Variants in ZDHHC15 observed in about 807,000 individuals in gnomAD.
The protein encoded by ZDHHC15 is zDHHC palmitoyltransferase 15.
Under a neutral mutation model 31.7 loss-of-function variants are expected in ZDHHC15, and 19 were observed. The observed-to-expected ratio is 0.60, with a 90% CI of 0.42 to 0.88. The LOEUF is 0.88. Among genes scored for constraint, ZDHHC15 ranks in the 40% least tolerant of loss-of-function variants. The pLI is 0.00. For missense variants in ZDHHC15, 209 were observed against 251.2 expected (o/e 0.83, Z 1.14); for synonymous variants, 103 against 90.0 (o/e 1.14, Z -0.82).
At chrX:75,431,685 A>AT (rs2083782048) in intron 4 of ZDHHC15, among the ~76,000 whole-genome samples, 165 bp from the exon 5 acceptor site, 1 of 110,796 alleles carries the variant, frequency 9.0e-6, no homozygotes, top group Admixed American at 9.7e-5. Context: ...TGGGGTATAT[A>AT]TTTTTTTCCT....
intron 1 of ZDHHC15, among the ~76,000 whole-genome samples, chrX:75,508,973 C>T (rs754886345): frequency 1.1e-4 from 12 of 110,924 alleles, no homozygotes; most frequent in East Asian, 5.7e-4. Flanking sequence ...TCATATCCTT[C>T]GCCCACTTTT....
chrX:75,392,001 G>A (rs1413510079), intron 10 of ZDHHC15, among the ~76,000 whole-genome samples: 2 of 112,373 alleles, frequency 1.8e-5, no homozygotes, highest in Admixed American at 1.9e-4. Context: ...TTTTATCTTT[G>A]TTTGTTTATG....
Position 75,517,481 on chromosome X carries a change from G to A in ZDHHC15, c.136+5408C>T, listed in dbSNP as rs746590931. Among the ~76,000 whole-genome samples, 9 of 105,288 alleles carry A rather than the reference G, an allele frequency of 8.5e-5. No homozygotes were observed. In the South Asian group the frequency reaches 2.2e-3, roughly 26 times the overall value. The allele number at this position is 105,288 out of a possible 115,157, so 91.4% of individuals were successfully genotyped here. ...AAACCATCATTCTCAGCAAACTATC[G>A]CAAGGACAGAAAACCAAACACTGCA... On this transcript the variant is annotated intron_variant, in intron 1 of 11. Coordinates refer to ENST00000373367, the MANE Select transcript of ZDHHC15 (RefSeq NM_144969.3).
At chrX:75,396,394 G>A (rs776789713) in intron 10 of ZDHHC15, among the ~76,000 whole-genome samples, 2 of 111,711 alleles carry the variant, frequency 1.8e-5, no homozygotes, top group African/African-American at 6.5e-5. Context: ...ACATGGAAAA[G>A]TACTCAACAT....
intron 10 of ZDHHC15, among the ~76,000 whole-genome samples, chrX:75,400,594 TAG>T (rs2083345792): frequency 1.8e-5 from 2 of 111,941 alleles, no homozygotes; most frequent in Non-Finnish European, 3.8e-5. Flanking sequence ...CCAACCTTGC[TAG>T]AGAGGTCAAC....
At chrX:75,487,914 A>C (rs944938530) in intron 2 of ZDHHC15, among the ~76,000 whole-genome samples, 7 of 112,567 alleles carry the variant, frequency 6.2e-5, no homozygotes, top group African/African-American at 2.3e-4. Flanking sequence ...AATTGAACAA[A>C]GAGAAGAAAA....
In ZDHHC15 at chrX:75,429,084, G is replaced by A; in HGVS notation, c.597C>T (p.Tyr199=). ...CAGGATATTTTTAACTTACTCTCCA[G>A]TATTTGATGAAATAGCTGAAGACTG... is the stretch of plus-strand genomic sequence containing the variant. The part of the protein sequence containing the change: ...ATTVFSYFIK[Y]WRGELPSVRS... Residue 199 remains tyrosine (Y), a synonymous_variant, in exon 7 of 12, where the codon TAC becomes TAT. Transcript: ENST00000373367. 1 of 1,208,510 alleles carries A rather than the reference G, an allele frequency of 8.3e-7. No homozygotes were observed. Among genetic ancestry groups the A allele is most frequent in the Non-Finnish European group, 1.1e-6 (1 of 894,206 alleles).
At chrX:75,375,457 C>T (rs1459100426) in intron 11 of ZDHHC15, among the ~76,000 whole-genome samples, 1 of 111,160 alleles carries the variant, frequency 9.0e-6, no homozygotes, top group Admixed American at 9.6e-5. Flanking sequence ...TGTGCAGGTT[C>T]GTTAGGTGGT....
chrX:75,414,731 C>T (rs2083528635), intron 10 of ZDHHC15, among the ~76,000 whole-genome samples: 1 of 101,127 alleles, frequency 9.9e-6, no homozygotes, highest in African/African-American at 3.6e-5. Context: ...AGCCACCACG[C>T]CCAGCCAAAA....
intron 3 of ZDHHC15, among the ~76,000 whole-genome samples, chrX:75,460,731 C>G (rs900015778): frequency 3.6e-5 from 4 of 111,214 alleles, no homozygotes; most frequent in Non-Finnish European, 3.8e-5. Context: ...AAAAGAAAAA[C>G]AAACAGAAAA....
chrX:75,383,905 A>T (rs1602542998), intron 10 of ZDHHC15, among the ~76,000 whole-genome samples: 2 of 102,332 alleles, frequency 2.0e-5, no homozygotes, highest in Non-Finnish European at 2.0e-5. Context: ...CACCCAGCTA[A>T]TTTTTTTTTT....
intron 1 of ZDHHC15, among the ~76,000 whole-genome samples, chrX:75,508,338 T>C (rs1259442788): frequency 1.2e-5 from 1 of 82,645 alleles, no homozygotes; most frequent in African/African-American, 4.7e-5. Context: ...ATGTTTCCCT[T>C]CCTGTGTCCA....
intron 7 of ZDHHC15, among the ~76,000 whole-genome samples, chrX:75,425,874 G>A (rs994585618): frequency 7.2e-4 from 80 of 110,890 alleles, no homozygotes; most frequent in African/African-American, 2.6e-3. Flanking sequence ...GGAAATATTG[G>A]GAATCTTCCA....
Position 75,369,473 on chromosome X carries a change from T to TAATA in ZDHHC15, c.*3501_*3504dup, listed in dbSNP as rs946074545. On this transcript the variant is annotated 3_prime_UTR_variant, in exon 12 of 12. Transcript: ENST00000373367. ...TTTAGGTTCATGTTACAATAATGTA[T>TAATA]AATATTCAGTATTCTTAAAACTTAC... 5.4e-5 allele frequency: 6 copies of TAATA among 111,681 alleles called. No homozygotes were observed. The highest frequency in any genetic ancestry group is 2.0e-4 in the African/African-American group (6 of 30,694). The allele number at this position is 111,681 out of a possible 1,213,427, so 9.2% of individuals were successfully genotyped here. A position where few individuals can be genotyped will look rare whatever the true frequency, so the allele number is the denominator to read the frequency against.
chrX:75,498,247 C>T (rs1287744358), intron 2 of ZDHHC15, among the ~76,000 whole-genome samples: 1 of 110,750 alleles, frequency 9.0e-6, no homozygotes, highest in African/African-American at 3.3e-5. Context: ...ACTTTTACCA[C>T]TTATAATCAA....
intron 10 of ZDHHC15, among the ~76,000 whole-genome samples, chrX:75,412,723 G>A (rs761502869): frequency 8.9e-5 from 10 of 111,968 alleles, no homozygotes; most frequent in Admixed American, 4.8e-4. Flanking sequence ...GAGCCACCAC[G>A]CCTGGCTATT....
intron 10 of ZDHHC15, among the ~76,000 whole-genome samples, chrX:75,414,359 G>A (rs2083520515): frequency 9.1e-6 from 1 of 109,613 alleles, no homozygotes; most frequent in African/African-American, 3.3e-5. Context: ...AGAACACAAA[G>A]GCTTTATGTA....
intron 7 of ZDHHC15, among the ~76,000 whole-genome samples, chrX:75,428,479 G>C (rs1262063647): frequency 1.8e-5 from 2 of 110,988 alleles, no homozygotes; most frequent in Admixed American, 1.9e-4. Flanking sequence ...ATTTGATCTT[G>C]GCAATGAGCC....
intron 4 of ZDHHC15, among the ~76,000 whole-genome samples, chrX:75,441,908 C>A (rs2083947741): frequency 9.0e-6 from 1 of 111,202 alleles, no homozygotes; most frequent in African/African-American, 3.3e-5. Context: ...CAGGCATGAG[C>A]CACCACACCC....
Sources: allele counts gnomAD v4.1 joint callset (sites outside exome capture counted in the v4.1 genomes callset), GRCh38; gene constraint gnomAD v4.1.1; transcripts MANE v1.5; gene names NCBI Gene and HGNC (gene_info 2026-07-23, HGNC 2026-07-21).